The following DOCK1 variants were observed in gnomAD, a reference collection of about 807,000 sequenced individuals.
DOCK1 encodes dedicator of cytokinesis 1.
Under a neutral mutation model 262.7 loss-of-function variants are expected in DOCK1, and 138 were observed. The ratio of observed to expected loss-of-function variants is 0.53; its 90% CI spans 0.46 to 0.61. The LOEUF (loss-of-function observed/expected upper bound fraction) is 0.61, where lower values mean the gene tolerates loss of function less well. Among genes scored for constraint, DOCK1 ranks in the 20% least tolerant of loss-of-function variants. DOCK1 has a pLI of 0.00. For missense variants in DOCK1, 1,908 were observed against 2,370.7 expected (o/e 0.80, Z 4.05); for synonymous variants, 866 against 867.4 (o/e 1.00, Z 0.03).
At chr10:127,301,192 C>G (rs987127323) in intron 29 of DOCK1, among the ~76,000 whole-genome samples, 1 of 152,106 alleles carries the variant, frequency 6.6e-6, no homozygotes, top group Non-Finnish European at 1.5e-5. Context: ...GTTTCAGTGC[C>G]GCTTGAATAC....
intron 29 of DOCK1, among the ~76,000 whole-genome samples, chr10:127,334,061 CAAAT>C (rs1008290932): frequency 2.0e-4 from 31 of 152,232 alleles, no homozygotes; most frequent in Middle Eastern, 3.4e-3. Context: ...TGTAAATTGA[CAAAT>C]AATAATTGTG....
chr10:127,416,290 T>G (rs1473581660), intron 44 of DOCK1, among the ~76,000 whole-genome samples: 1 of 152,234 alleles, frequency 6.6e-6, no homozygotes, highest in Non-Finnish European at 1.5e-5. Flanking sequence ...GGGAGTTATG[T>G]GTCAGGTGGT....
At chr10:127,262,115 G>GGTGT (rs1335837739) in intron 29 of DOCK1, among the ~76,000 whole-genome samples, 7 of 110,608 alleles carry the variant, frequency 6.3e-5, no homozygotes, top group African/African-American at 2.5e-4. Flanking sequence ...TGTGCATGTG[G>GGTGT]GTGTGTGTGT....
intron 23 of DOCK1, among the ~76,000 whole-genome samples, chr10:127,085,655 G>A (rs985274681): frequency 7.9e-5 from 12 of 152,070 alleles, no homozygotes; most frequent in South Asian, 2.1e-4. Context: ...CTACTGGGGC[G>A]GCTGAGGCAG....
At chr10:127,113,408 G>T (rs2048986609) in intron 25 of DOCK1, among the ~76,000 whole-genome samples, 1 of 152,154 alleles carries the variant, frequency 6.6e-6, no homozygotes, top group African/African-American at 2.4e-5. Context: ...CTTGTGTGTT[G>T]CCTTACTCAC....
chr10:127,447,540 CAGAG>C lies in DOCK1; in HGVS notation c.5561_5564del (p.Gln1854ArgfsTer90), dbSNP rs756055374. The C allele has an allele frequency of 6.2e-7, 1 of 1,613,832 alleles. No homozygotes were observed. The highest frequency in any genetic ancestry group is 1.7e-5 in the Admixed American group (1 of 60,016). Reference sequence around the variant, plus strand: ...AACACCTCCACCTCCCCCTCCACACCAGAGGGTAAGTCGGCAATCTGAAACACAG... The same window carrying C: ...AACACCTCCACCTCCCCCTCCACACCGGTAAGTCGGCAATCTGAAACACAG... On this transcript the variant is annotated frameshift_variant and splice_region_variant, in exon 51 of 52. Coordinates refer to ENST00000623213, the MANE Select transcript of DOCK1 (RefSeq NM_001290223.2). LOFTEE classifies it high-confidence loss of function.
At chr10:126,926,255 CTTTT>C (rs559299060) in intron 1 of DOCK1, among the ~76,000 whole-genome samples, 4 of 145,160 alleles carry the variant, frequency 2.8e-5, no homozygotes, top group Admixed American at 6.9e-5. Flanking sequence ...TTCTTTCTTT[CTTTT>C]TTTTTTTTAA....
intron 30 of DOCK1, among the ~76,000 whole-genome samples, chr10:127,342,576 T>C (rs1052035888): frequency 3.9e-5 from 6 of 152,206 alleles, no homozygotes; most frequent in African/African-American, 1.4e-4. Flanking sequence ...CCCAACAGAC[T>C]TTTCTCAAAT....
intron 1 of DOCK1, among the ~76,000 whole-genome samples, chr10:126,948,901 G>T (rs945483482): frequency 6.6e-5 from 10 of 152,106 alleles, no homozygotes; most frequent in Non-Finnish European, 1.3e-4. Context: ...CTGGGGTTGC[G>T]TGAGAAGGCA....
intron 27 of DOCK1, among the ~76,000 whole-genome samples, chr10:127,200,066 G>C (rs1564897920): frequency 6.6e-6 from 1 of 152,158 alleles, no homozygotes; most frequent in Non-Finnish European, 1.5e-5. Context: ...ACTGTCCGAT[G>C]TCGCTGTGAC....
intron 32 of DOCK1, among the ~76,000 whole-genome samples, chr10:127,361,451 A>G (rs2064442053): frequency 6.6e-6 from 1 of 152,114 alleles, no homozygotes; most frequent in African/African-American, 2.4e-5. Flanking sequence ...CCTATCAAAC[A>G]ATAGCTCGAA....
chr10:127,138,641 C>A (rs1474219689), intron 27 of DOCK1, among the ~76,000 whole-genome samples: 1 of 152,140 alleles, frequency 6.6e-6, no homozygotes, highest in Admixed American at 6.5e-5. Context: ...CATTACTAAC[C>A]ACAGTTTCTT....
At chr10:126,947,131 A>G (rs2035480386) in intron 1 of DOCK1, among the ~76,000 whole-genome samples, 1 of 152,126 alleles carries the variant, frequency 6.6e-6, no homozygotes, top group African/African-American at 2.4e-5. Context: ...TGTTAGCCCT[A>G]TTTCATAGGG....
At chr10:126,980,180 G>GT (rs979280250) in intron 3 of DOCK1, among the ~76,000 whole-genome samples, 3 of 151,876 alleles carry the variant, frequency 2.0e-5, no homozygotes, top group African/African-American at 7.2e-5. Context: ...TCAGACTTCT[G>GT]TTTTTTTTAA....
chr10:127,340,853 C>T (rs2063395569), intron 30 of DOCK1, among the ~76,000 whole-genome samples: 1 of 152,162 alleles, frequency 6.6e-6, no homozygotes, highest in African/African-American at 2.4e-5. Context: ...ATCATTTCTT[C>T]TCCTAACATT....
At chr10:127,255,754 G>A (rs1221939921) in intron 28 of DOCK1, among the ~76,000 whole-genome samples, 1 of 152,202 alleles carries the variant, frequency 6.6e-6, no homozygotes. Context: ...ATAAAAACGA[G>A]AGGCTGTAGC....
intron 27 of DOCK1, among the ~76,000 whole-genome samples, chr10:127,195,546 C>T (rs907207715): frequency 6.6e-6 from 1 of 151,428 alleles, no homozygotes; most frequent in Admixed American, 6.6e-5. Flanking sequence ...GTTAATCAGC[C>T]GTACTTGTAC....
intron 38 of DOCK1, among the ~76,000 whole-genome samples, chr10:127,398,328 C>A (rs894410152): frequency 1.3e-5 from 2 of 152,214 alleles, no homozygotes; most frequent in South Asian, 4.1e-4. Context: ...TTCCTTGCAG[C>A]GTAGTTGCAG....
Position 127,175,268 on chromosome 10 carries a change from G to T in DOCK1, c.2847+47504G>T. 1 of 1,614,068 alleles carries T rather than the reference G, an allele frequency of 6.2e-7. No individual in the cohort carries two copies. The highest frequency in any genetic ancestry group is 2.2e-5 in the East Asian group (1 of 44,878). On this transcript the variant is annotated intron_variant, in intron 27 of 51. Coordinates refer to ENST00000623213, the MANE Select transcript of DOCK1 (RefSeq NM_001290223.2). The surrounding 1 kb of genome is among the most constrained non-coding windows in gnomAD (Gnocchi z 6.3). ...CCTGAATGACCCCCAAGAGCACTTT[G>T]ATGGTTTCTTGGCTTGAACTGATCA...
Sources: gnomAD v4.1 joint callset for allele counts (sites outside exome capture counted in the v4.1 genomes callset) on GRCh38, gnomAD v4.1.1 for gene constraint, Gnocchi (gnomAD v3.1) non-coding constraint, MANE v1.5 for transcripts, NCBI Gene and HGNC (gene_info 2026-07-23, HGNC 2026-07-21) for gene names.